The following SLC22A3 variants were observed in gnomAD, a reference collection of about 807,000 sequenced individuals.
SLC22A3 encodes the protein solute carrier family 22 member 3.
SLC22A3 carries 51 observed loss-of-function variants against 59.1 expected under a neutral mutation model. That is an observed-to-expected ratio of 0.86 (90% CI 0.69 to 1.09). The LOEUF (loss-of-function observed/expected upper bound fraction) is 1.09, where lower values mean the gene tolerates loss of function less well. Ranked by LOEUF, SLC22A3 falls within the 50% of genes least tolerant of loss-of-function variation. The probability of loss-of-function intolerance (pLI) is 0.00; values close to 1 mark genes in which losing one functional copy is unlikely to be tolerated. For synonymous variants in SLC22A3, 325 were observed against 292.0 expected (o/e 1.11, Z -1.15); for missense variants, 711 against 726.3 (o/e 0.98, Z 0.24).
intron 2 of SLC22A3, among the ~76,000 whole-genome samples, chr6:160,402,649 A>G (rs1001930646): frequency 4.0e-5 from 6 of 151,870 alleles, no homozygotes; most frequent in Admixed American, 1.3e-4. Context: ...ATTCTGGGCC[A>G]TAAAACATAT....
At chr6:160,444,161 G>C (rs994441013) in intron 9 of SLC22A3, among the ~76,000 whole-genome samples, 8 of 152,242 alleles carry the variant, frequency 5.3e-5, no homozygotes, top group African/African-American at 1.9e-4. Flanking sequence ...CTTGGGCCTA[G>C]GAGTTCAAGA....
intron 1 of SLC22A3, among the ~76,000 whole-genome samples, chr6:160,369,019 A>C (rs1785303419): frequency 6.6e-6 from 1 of 152,222 alleles, no homozygotes; most frequent in African/African-American, 2.4e-5. Context: ...GTCTGTAGAA[A>C]GCATTCTATT....
At chr6:160,433,802 C>G (rs912702780) in intron 5 of SLC22A3, among the ~76,000 whole-genome samples, 2 of 152,084 alleles carry the variant, frequency 1.3e-5, no homozygotes, top group Non-Finnish European at 2.9e-5. Flanking sequence ...CCCTTCAACT[C>G]TGGGATGTTG....
intron 9 of SLC22A3, 83 bp downstream of exon 9, chr6:160,443,825 T>C: frequency 1.6e-6 from 1 of 617,720 alleles, no homozygotes; most frequent in Non-Finnish European, 2.7e-6. Context: ...TTAGGTTCAA[T>C]AATGATAATG....
chr6:160,389,448 G>T (rs1288851209), intron 1 of SLC22A3, among the ~76,000 whole-genome samples: 1 of 152,150 alleles, frequency 6.6e-6, no homozygotes, highest in African/African-American at 2.4e-5. Context: ...AACTGACAGG[G>T]TTCTGTTCTT....
Position 160,355,794 on chromosome 6 carries a change from C to A in SLC22A3, c.429+6946C>A, listed in dbSNP as rs560538104. Among the ~76,000 whole-genome samples the A allele has an allele frequency of 3.0e-3, 418 of 139,122 alleles. 1 individual carries two copies. Among genetic ancestry groups the A allele is most frequent in the African/African-American group, 0.01 (400 of 38,324 alleles). The allele number at this position is 139,122 out of a possible 152,430, so 91.3% of individuals were successfully genotyped here. On this transcript the variant is annotated intron_variant, in intron 1 of 10. Coordinates refer to ENST00000275300, the MANE Select transcript of SLC22A3 (RefSeq NM_021977.4). Reference sequence around the variant, plus strand: ...CTCAAAACAACAACAACAACAACAACAACAAAAAACTTGTCTTTTCTCATG... The same window carrying A: ...CTCAAAACAACAACAACAACAACAAAAACAAAAAACTTGTCTTTTCTCATG...
chr6:160,392,102 C>T (rs11962058), intron 1 of SLC22A3, among the ~76,000 whole-genome samples: 1,654 of 152,174 alleles, frequency 0.011, 39 homozygotes, highest in African/African-American at 0.037. Flanking sequence ...CTGTCTTGGC[C>T]CTGGACCCAC....
At chr6:160,436,118 C>T (rs979649656) in intron 5 of SLC22A3, among the ~76,000 whole-genome samples, 3 of 152,258 alleles carry the variant, frequency 2.0e-5, no homozygotes, top group East Asian at 1.9e-4. Context: ...ACTGGAGCTG[C>T]GGTCACTGCA....
At position 160,348,787 on chromosome 6, in the gene SLC22A3, C is replaced by T; in HGVS notation, c.368C>T (p.Pro123Leu). ...GCCGCCTTCCCCAACCGCTCGGCTC[C>T]CCTTGTGCCGTGCCGCGGCGGCTGG... ...PLAAFPNRSAPLVPCRGGWRY... is the reference protein window; with the variant it reads ...PLAAFPNRSALLVPCRGGWRY... The change falls in exon 1 of 11, where the codon CCC (proline) becomes CTC (leucine). Residue 123 changes from proline to leucine, a missense_variant. Physicochemically the swap from Pro to Leu is moderately conservative, Grantham distance 98 (BLOSUM62 -3). Coordinates refer to ENST00000275300, the MANE Select transcript of SLC22A3 (RefSeq NM_021977.4). 6.4e-7 allele frequency: 1 copy of T among 1,571,472 alleles called. No homozygotes were observed. Among genetic ancestry groups the T allele is most frequent in the East Asian group, 2.3e-5 (1 of 43,224 alleles).
chr6:160,438,356 T>C (rs117456319), intron 7 of SLC22A3, among the ~76,000 whole-genome samples: 195 of 152,142 alleles, frequency 1.3e-3, no homozygotes, highest in Non-Finnish European at 2.2e-3. Flanking sequence ...AAAGTGGGGA[T>C]TACAGAGAAA....
In SLC22A3 at chr6:160,349,587, G is replaced by C. The variant is rs923407217; in HGVS notation, c.429+739G>C. 2.6e-5 allele frequency among the ~76,000 whole-genome samples: 4 copies of C among 152,158 alleles called. No individual in the cohort carries two copies. The South Asian group carries it at 8.3e-4, about 32-fold the overall frequency. On this transcript the variant is annotated intron_variant, in intron 1 of 10. Coordinates refer to ENST00000275300, the MANE Select transcript of SLC22A3 (RefSeq NM_021977.4). ...CGGAGGCTGCTGCCGGCGGGTGGGC[G>C]GGGGCGATCCCCACATTTTGGGCAG...
Position 160,443,694 on chromosome 6 carries a change from C to A in SLC22A3, c.1462C>A (p.Leu488Ile). The change falls in exon 9 of 11, where the codon CTC becomes ATC. Residue 488 changes from leucine (L) to isoleucine (I), a missense_variant. Physicochemically the swap from Leu to Ile is conservative, Grantham distance 5. Transcript: ENST00000275300. ...DFGGIIAPFL[L>I]FRLAAVWLEL... is the part of the protein sequence containing the mutation. ...TGGGGGAATCATAGCCCCATTTCTG[C>A]TCTTTCGGCTAGCAGCCGTGTGGCT... 6.2e-7 allele frequency: 1 copy of A among 1,613,858 alleles called. No individual in the cohort carries two copies.
intron 9 of SLC22A3, among the ~76,000 whole-genome samples, chr6:160,447,480 G>A (rs1788788927): frequency 6.6e-6 from 1 of 152,204 alleles, no homozygotes; most frequent in Admixed American, 6.5e-5. Flanking sequence ...TGAGATGTGT[G>A]AGTGAACACA....
At chr6:160,437,616 A>G (rs1451884162) in intron 7 of SLC22A3, among the ~76,000 whole-genome samples, 4 of 152,236 alleles carry the variant, frequency 2.6e-5, no homozygotes, top group African/African-American at 9.6e-5. Flanking sequence ...AATGGTTCAC[A>G]ATCTATTAAG....
At chr6:160,425,089 T>C (rs1259904318) in intron 5 of SLC22A3, among the ~76,000 whole-genome samples, 2 of 152,186 alleles carry the variant, frequency 1.3e-5, no homozygotes, top group African/African-American at 2.4e-5. Flanking sequence ...ATCAACTTCA[T>C]GTAGGGTTGC....
At chr6:160,349,341 C>T (rs1195475464) in intron 1 of SLC22A3, among the ~76,000 whole-genome samples, 1 of 152,202 alleles carries the variant, frequency 6.6e-6, no homozygotes, top group Admixed American at 6.5e-5. Context: ...AGCTTTTTTC[C>T]AGTTGCCCAA....
intron 1 of SLC22A3, among the ~76,000 whole-genome samples, chr6:160,379,088 G>A (rs1387096955): frequency 1.3e-5 from 2 of 152,190 alleles, no homozygotes; most frequent in East Asian, 3.8e-4. Context: ...AGAGATTGGA[G>A]TCTAGAAGTC....
chr6:160,412,142 A>G (rs985688887), intron 5 of SLC22A3, among the ~76,000 whole-genome samples: 1 of 152,084 alleles, frequency 6.6e-6, no homozygotes, highest in Non-Finnish European at 1.5e-5. Flanking sequence ...CAGGTGGATC[A>G]CCTGAGGTCA....
chr6:160,432,702 T>C (rs1462402899), intron 5 of SLC22A3, among the ~76,000 whole-genome samples: 1 of 152,194 alleles, frequency 6.6e-6, no homozygotes, highest in East Asian at 1.9e-4. Context: ...AGGCTTAATT[T>C]TTAATTTTCA....
Sources: gnomAD v4.1 joint callset for allele counts (sites outside exome capture counted in the v4.1 genomes callset) on GRCh38, gnomAD v4.1.1 for gene constraint, MANE v1.5 for transcripts, NCBI Gene and HGNC (gene_info 2026-07-23, HGNC 2026-07-21) for gene names.